Variants in CASD1 observed in about 807,000 individuals in gnomAD.
CASD1 encodes the protein N-acetylneuraminate (7)9-O-acetyltransferase.
Under a neutral mutation model 100.0 loss-of-function variants are expected in CASD1, and 41 were observed. The ratio of observed to expected loss-of-function variants is 0.41; its 90% CI spans 0.32 to 0.53. CASD1 has a LOEUF of 0.53. Among genes scored for constraint, CASD1 ranks in the 20% least tolerant of loss-of-function variants. CASD1 has a pLI of 0.25. For missense variants in CASD1, 774 were observed against 948.7 expected, an observed-to-expected ratio of 0.82 and a Z score of 2.42; for synonymous variants, 321 against 315.6, an observed-to-expected ratio of 1.02 and a Z score of -0.18.
At chr7:94,566,081 A>C in the CASD1 span, among the ~76,000 whole-genome samples, 1 of 152,166 alleles carries the variant, frequency 6.6e-6, no homozygotes, top group Admixed American at 6.5e-5. Context: ...GAGAGCCAGG[A>C]CTTCCTCACA....
chr7:94,552,468 T>G, intron 16 of CASD1, 41 bp downstream of exon 16: 2 of 1,478,656 alleles, frequency 1.4e-6, no homozygotes, highest in Non-Finnish European at 9.2e-7. Context: ...TCTTAATTCT[T>G]GATAAGAAAA....
At chr7:94,600,673 T>C in the CASD1 span, 1 of 1,613,706 alleles carries the variant, frequency 6.2e-7, no homozygotes, top group Non-Finnish European at 8.5e-7. Flanking sequence ...GCACATGATA[T>C]AAGCAAGTAT....
chr7:94,522,758 C>T (rs1158864328), intron 3 of CASD1, among the ~76,000 whole-genome samples: 3 of 151,846 alleles, frequency 2.0e-5, no homozygotes, highest in Non-Finnish European at 2.9e-5. Flanking sequence ...CCCGGGTTCA[C>T]GCCATTCTCC....
the CASD1 span, chr7:94,619,157 CA>C: frequency 2.0e-5 from 11 of 563,950 alleles, no homozygotes; most frequent in Non-Finnish European, 3.1e-5. Flanking sequence ...ACTTTATCTA[CA>C]ATATAATAAA....
intron 14 of CASD1, among the ~76,000 whole-genome samples, chr7:94,550,614 A>G (rs949001580): frequency 3.9e-5 from 6 of 151,966 alleles, no homozygotes; most frequent in African/African-American, 1.5e-4. Flanking sequence ...CCCACTTGCT[A>G]TTTCATAGAC....
the CASD1 span, chr7:94,588,910 A>G: frequency 1.6e-6 from 1 of 644,570 alleles, no homozygotes; most frequent in Non-Finnish European, 2.7e-6. Flanking sequence ...TGAGGAGAAT[A>G]AAAATTAACA....
At chr7:94,616,208 A>T in the CASD1 span, among the ~76,000 whole-genome samples, 1 of 152,070 alleles carries the variant, frequency 6.6e-6, no homozygotes, top group Non-Finnish European at 1.5e-5. Flanking sequence ...ACGGTAGTAG[A>T]TTTACTCTGA....
the CASD1 span, chr7:94,617,758 T>G: frequency 1.3e-5 from 2 of 148,796 alleles, no homozygotes; most frequent in African/African-American, 5.0e-5. Flanking sequence ...TAAGTTGGAC[T>G]TTACAGCTCA....
At chr7:94,510,666 C>G (rs1471281478) in intron 1 of CASD1, among the ~76,000 whole-genome samples, 1 of 152,220 alleles carries the variant, frequency 6.6e-6, no homozygotes, top group Non-Finnish European at 1.5e-5. Context: ...CAGGTCCTGC[C>G]TCTTAAGGGT....
At chr7:94,606,520 C>T in the CASD1 span, among the ~76,000 whole-genome samples, 15 of 152,126 alleles carry the variant, frequency 9.9e-5, no homozygotes, top group Non-Finnish European at 1.9e-4. Context: ...GATGAATCCA[C>T]TATTATAGCT....
chr7:94,622,260 T>A, the CASD1 span: 1 of 152,120 alleles, frequency 6.6e-6, no homozygotes, highest in African/African-American at 2.4e-5. Context: ...AGGGAAAAAA[T>A]TCTGGATCAG....
At chr7:94,587,341 A>G in the CASD1 span, 1 of 1,012,204 alleles carries the variant, frequency 9.9e-7, no homozygotes, top group Non-Finnish European at 1.2e-6. Flanking sequence ...TGGATTTTTA[A>G]ATACTCAAAA....
intron 16 of CASD1, chr7:94,553,926 G>A (rs1584438612): frequency 1.3e-5 from 2 of 151,990 alleles, no homozygotes; most frequent in African/African-American, 4.8e-5. Context: ...AGATTCTTTC[G>A]GGAGAGAAAA....
the CASD1 span, among the ~76,000 whole-genome samples, chr7:94,608,243 G>A: frequency 2.0e-5 from 3 of 152,208 alleles, no homozygotes; most frequent in Non-Finnish European, 4.4e-5. Flanking sequence ...TCAGGAGGCT[G>A]AGCCAGGGGT....
In CASD1 at chr7:94,538,868, C is replaced by G; in HGVS notation, c.1267-99C>G. ...AAGGTTCTTTTGACAGAAGCATTAGCTTTATGTCCTATAAGAAAACTTTTA... is the reference window on the plus strand; with the variant it reads ...AAGGTTCTTTTGACAGAAGCATTAGGTTTATGTCCTATAAGAAAACTTTTA... On this transcript the variant is annotated intron_variant, in intron 9 of 17. Coordinates refer to ENST00000297273, the MANE Select transcript of CASD1 (RefSeq NM_022900.5). 3 of 539,336 alleles carry G rather than the reference C, an allele frequency of 5.6e-6. No homozygotes were observed. The South Asian group carries it at 9.5e-5, about 17-fold the overall frequency. 33.4% of individuals were successfully genotyped at this position (539,336 alleles called of 1,614,324 possible).
the CASD1 span, chr7:94,587,799 C>A: frequency 6.5e-7 from 1 of 1,547,398 alleles, no homozygotes; most frequent in Non-Finnish European, 8.7e-7. Context: ...GAAAAGTTGT[C>A]AAACGAAAAT....
chr7:94,609,109 T>A, the CASD1 span, among the ~76,000 whole-genome samples: 1 of 152,200 alleles, frequency 6.6e-6, no homozygotes, highest in South Asian at 2.1e-4. Context: ...CAAAAGACAC[T>A]GCCAGTAGTA....
At chr7:94,534,145 T>C (rs1794992848) in intron 7 of CASD1, among the ~76,000 whole-genome samples, 1 of 149,734 alleles carries the variant, frequency 6.7e-6, no homozygotes, top group Non-Finnish European at 1.5e-5. Context: ...ACAAAAAATA[T>C]TATCTGTTTC....
the CASD1 span, among the ~76,000 whole-genome samples, chr7:94,601,443 CAAAAA>C: frequency 5.5e-4 from 49 of 89,308 alleles, no homozygotes; most frequent in East Asian, 2.5e-3. Context: ...ATCCCAGTAT[CAAAAA>C]AAAAAAAAAA....
Sources: allele counts gnomAD v4.1 joint callset (sites outside exome capture counted in the v4.1 genomes callset), GRCh38; gene constraint gnomAD v4.1.1; transcripts MANE v1.5; gene names NCBI Gene and HGNC (gene_info 2026-07-23, HGNC 2026-07-21).